MRPL13: variants seen among roughly 807,000 people sequenced by gnomAD.
MRPL13 encodes the protein mitochondrial ribosomal protein L13, also known as large ribosomal subunit protein uL13m.
Under a neutral mutation model 29.0 loss-of-function variants are expected in MRPL13, and 33 were observed. That is an observed-to-expected ratio of 1.14 (90% CI 0.86 to 1.52). MRPL13 has a LOEUF of 1.52. Ranked by LOEUF, MRPL13 falls within the 40% of genes most tolerant of loss-of-function variation. The pLI, the probability that MRPL13 is intolerant of heterozygous loss-of-function variation, is 0.00. For missense variants in MRPL13, 227 were observed against 216.7 expected, an observed-to-expected ratio of 1.05 and a Z score of -0.30; for synonymous variants, 77 against 68.4, an observed-to-expected ratio of 1.13 and a Z score of -0.62.
At chr8:120,435,961 C>A (rs1813049815) in intron 2 of MRPL13, among the ~76,000 whole-genome samples, 1 of 152,058 alleles carries the variant, frequency 6.6e-6, no homozygotes, top group Admixed American at 6.6e-5. Context: ...CCTTTGCCCA[C>A]TTTTTTATAG....
Position 120,425,942 on chromosome 8 carries a change from A to T in MRPL13, c.246-576T>A, listed in dbSNP as rs148362175. 3.3e-5 allele frequency among the ~76,000 whole-genome samples: 5 copies of T among 152,226 alleles called. No homozygotes were observed. The East Asian group carries it at 9.6e-4, about 29-fold the overall frequency. On this transcript the variant is annotated intron_variant, in intron 3 of 6. Coordinates refer to ENST00000306185, the MANE Select transcript of MRPL13 (RefSeq NM_014078.6). ...AAAAAGTGGCAATTACAAAATATAC[A>T]TTGAATAGTACTGGAGGCAGCTTAG...
At chr8:120,428,547 A>G (rs975906386) in intron 3 of MRPL13, among the ~76,000 whole-genome samples, 2 of 152,152 alleles carry the variant, frequency 1.3e-5, no homozygotes, top group African/African-American at 4.8e-5. Context: ...TAACAGAATA[A>G]ACAGACACCT....
chr8:120,404,336 T>A (rs1186642669), intron 6 of MRPL13, among the ~76,000 whole-genome samples: 2 of 152,202 alleles, frequency 1.3e-5, no homozygotes, highest in Non-Finnish European at 2.9e-5. Context: ...TTAATTGAAA[T>A]GAAATGACAA....
intron 6 of MRPL13, among the ~76,000 whole-genome samples, chr8:120,410,388 C>T (rs1011976121): frequency 2.0e-5 from 3 of 152,108 alleles, no homozygotes; most frequent in Non-Finnish European, 4.4e-5. Flanking sequence ...GCAAGGTCCT[C>T]TCCAAAAGGA....
chr8:120,415,854 T>C (rs367663518), intron 5 of MRPL13: 12 of 152,140 alleles, frequency 7.9e-5, no homozygotes, highest in African/African-American at 2.4e-4. Flanking sequence ...TTTCCAAAGA[T>C]GTATAAATAT....
chr8:120,399,568 T>C (rs909653707), intron 6 of MRPL13, among the ~76,000 whole-genome samples: 5 of 152,186 alleles, frequency 3.3e-5, no homozygotes, highest in African/African-American at 9.7e-5. Context: ...CCAGTGATGC[T>C]ATGAAGCAAC....
intron 6 of MRPL13, among the ~76,000 whole-genome samples, chr8:120,410,371 A>G (rs1039239969): frequency 1.3e-5 from 2 of 152,206 alleles, no homozygotes; most frequent in African/African-American, 4.8e-5. Context: ...ACAAAAGCAT[A>G]TCTTAAGCAA....
At chr8:120,417,658 C>T (rs1812820507) in intron 5 of MRPL13, among the ~76,000 whole-genome samples, 1 of 152,104 alleles carries the variant, frequency 6.6e-6, no homozygotes, top group African/African-American at 2.4e-5. Context: ...GTGGGCACCA[C>T]CTAAAGCTGG....
At chr8:120,444,388 T>G (rs1813172876) in intron 1 of MRPL13, among the ~76,000 whole-genome samples, 1 of 152,110 alleles carries the variant, frequency 6.6e-6, no homozygotes, top group Non-Finnish European at 1.5e-5. Flanking sequence ...CTTCCCTATC[T>G]CAGTTGATGA....
At chr8:120,404,056 G>A (rs1812636438) in intron 6 of MRPL13, among the ~76,000 whole-genome samples, 3 of 152,190 alleles carry the variant, frequency 2.0e-5, no homozygotes, top group South Asian at 4.1e-4. Flanking sequence ...TCTGATGACA[G>A]CTACACGCGG....
At chr8:120,410,706 CA>C (rs1302723148) in intron 6 of MRPL13, among the ~76,000 whole-genome samples, 1 of 152,064 alleles carries the variant, frequency 6.6e-6, no homozygotes, top group East Asian at 1.9e-4. Flanking sequence ...AGCCACACGT[CA>C]ACAGTAGCTA....
intron 2 of MRPL13, among the ~76,000 whole-genome samples, chr8:120,434,407 A>G (rs1162142911): frequency 6.6e-6 from 1 of 152,090 alleles, no homozygotes. Flanking sequence ...TACCACTTTT[A>G]CTATTTAATA....
chr8:120,443,046 T>C lies in MRPL13; in HGVS notation c.151+139A>G, dbSNP rs183340356. 8.4e-5 allele frequency: 74 copies of C among 878,786 alleles called. 1 individual carries two copies. The Admixed American group carries it at 1.9e-3, about 22-fold the overall frequency. 54.4% of individuals were successfully genotyped at this position (878,786 alleles called of 1,614,324 possible). On this transcript the variant is annotated intron_variant, in intron 2 of 6. Transcript: ENST00000306185. ...CCAAATTCAGTTTTGGGCGCTAGTA[T>C]GGTTTCAGCAAGAATGGAATACAGG...
chr8:120,419,801 A>C, intron 5 of MRPL13, 51 bp downstream of exon 5: 1 of 1,358,188 alleles, frequency 7.4e-7, no homozygotes, highest in South Asian at 1.5e-5. Flanking sequence ...AAAATGAAAC[A>C]TTTAATTGAA....
At chr8:120,436,399 G>A (rs781230943) in intron 2 of MRPL13, among the ~76,000 whole-genome samples, 26 of 152,042 alleles carry the variant, frequency 1.7e-4, no homozygotes, top group South Asian at 6.2e-4. Flanking sequence ...ATCTCACTGC[G>A]GTTTTAATTT....
chr8:120,411,655 T>C (rs1251407091), intron 6 of MRPL13, among the ~76,000 whole-genome samples: 2 of 152,156 alleles, frequency 1.3e-5, no homozygotes, highest in African/African-American at 4.8e-5. Context: ...CATATGCGTG[T>C]GACTATTTAT....
chr8:120,439,973 T>C (rs1813099658), intron 2 of MRPL13, among the ~76,000 whole-genome samples: 1 of 152,216 alleles, frequency 6.6e-6, no homozygotes, highest in South Asian at 2.1e-4. Flanking sequence ...AATGCCAGTA[T>C]TCACTTAACA....
At chr8:120,402,225 G>T (rs531212826) in intron 6 of MRPL13, among the ~76,000 whole-genome samples, 17 of 152,252 alleles carry the variant, frequency 1.1e-4, no homozygotes, top group Middle Eastern at 6.8e-3. Context: ...AAAGCTGAAG[G>T]CACTTCGCTA....
At chr8:120,399,888 G>A (rs1255006760) in intron 6 of MRPL13, among the ~76,000 whole-genome samples, 1 of 152,094 alleles carries the variant, frequency 6.6e-6, no homozygotes, top group Non-Finnish European at 1.5e-5. Context: ...AATTAAAAAA[G>A]ACAGAAGGGC....
Sources: allele counts gnomAD v4.1 joint callset (sites outside exome capture counted in the v4.1 genomes callset), GRCh38; gene constraint gnomAD v4.1.1; transcripts MANE v1.5; gene names NCBI Gene and HGNC (gene_info 2026-07-23, HGNC 2026-07-21).